IL1RAPL2: variants seen among roughly 807,000 people sequenced by gnomAD.
IL1RAPL2 encodes the protein X-linked interleukin-1 receptor accessory protein-like 2.
In IL1RAPL2, 3 loss-of-function variants were observed where a neutral mutation model predicts 44.1. The observed-to-expected ratio is 0.07, with a 90% CI of 0.03 to 0.18. The LOEUF is 0.18. Among genes scored for constraint, IL1RAPL2 ranks in the 10% least tolerant of loss-of-function variants. The pLI, the probability that IL1RAPL2 is intolerant of heterozygous loss-of-function variation, is 1.00. For missense variants in IL1RAPL2, 391 were observed against 496.4 expected (o/e 0.79, Z 2.02); for synonymous variants, 181 against 178.8 (o/e 1.01, Z -0.10).
intron 6 of IL1RAPL2, among the ~76,000 whole-genome samples, chrX:105,494,323 G>A (rs1385763204): frequency 9.0e-6 from 1 of 111,522 alleles, no homozygotes; most frequent in African/African-American, 3.3e-5. Flanking sequence ...TTTTGACTAT[G>A]TCTAAAATGC....
chrX:105,122,765 A>G (rs1209786532), intron 2 of IL1RAPL2, among the ~76,000 whole-genome samples: 1 of 111,833 alleles, frequency 8.9e-6, no homozygotes, highest in East Asian at 2.8e-4. Context: ...TGAGCATCTA[A>G]TATGTCCCTG....
At chrX:104,864,365 C>T (rs1418900223) in intron 2 of IL1RAPL2, among the ~76,000 whole-genome samples, 1 of 112,122 alleles carries the variant, frequency 8.9e-6, no homozygotes, top group Non-Finnish European at 1.9e-5. Context: ...CTATGTTTCT[C>T]GAACATATCC....
intron 6 of IL1RAPL2, among the ~76,000 whole-genome samples, chrX:105,617,909 C>T (rs922273870): frequency 6.3e-4 from 70 of 111,556 alleles, no homozygotes; most frequent in African/African-American, 2.1e-3. Context: ...CATAGATAAA[C>T]ACCTACTTAG....
intron 4 of IL1RAPL2, among the ~76,000 whole-genome samples, chrX:105,251,253 C>T (rs2034266408): frequency 1.8e-5 from 2 of 109,229 alleles, no homozygotes; most frequent in Non-Finnish European, 3.8e-5. Context: ...TCATTAGAAA[C>T]CTCATAATAC....
chrX:104,667,880 T>C (rs1012404469), intron 2 of IL1RAPL2, among the ~76,000 whole-genome samples: 1 of 111,467 alleles, frequency 9.0e-6, no homozygotes, highest in African/African-American at 3.3e-5. Context: ...GGCATGGATA[T>C]AGTTCATATC....
At chrX:104,908,510 A>G (rs1179548965) in intron 2 of IL1RAPL2, among the ~76,000 whole-genome samples, 1 of 110,365 alleles carries the variant, frequency 9.1e-6, no homozygotes, top group Non-Finnish European at 1.9e-5. Context: ...TGGTGACAAA[A>G]TCTCTCAGCA....
At chrX:105,674,991 T>C (rs2037857802) in intron 6 of IL1RAPL2, among the ~76,000 whole-genome samples, 1 of 110,743 alleles carries the variant, frequency 9.0e-6, no homozygotes, top group South Asian at 3.9e-4. Context: ...GGAGTGCTTG[T>C]GACTTCTGCA....
chrX:105,507,583 A>G (rs1480886759), intron 6 of IL1RAPL2, among the ~76,000 whole-genome samples: 2 of 111,384 alleles, frequency 1.8e-5, no homozygotes, highest in African/African-American at 6.5e-5. Flanking sequence ...TTTTTACTTC[A>G]TTTTGAGAAG....
At chrX:104,944,343 T>A (rs1398217145) in intron 2 of IL1RAPL2, among the ~76,000 whole-genome samples, 1 of 112,159 alleles carries the variant, frequency 8.9e-6, no homozygotes, top group African/African-American at 3.2e-5. Context: ...ATGATAACAT[T>A]TAATTATCAC....
intron 2 of IL1RAPL2, among the ~76,000 whole-genome samples, chrX:105,082,947 T>C (rs1390592739): frequency 9.0e-6 from 1 of 111,161 alleles, no homozygotes; most frequent in Non-Finnish European, 1.9e-5. Context: ...GGACGGAGAA[T>C]GAGTTTGATG....
chrX:104,948,262 G>C (rs1054305892), intron 2 of IL1RAPL2, among the ~76,000 whole-genome samples: 139 of 109,362 alleles, frequency 1.3e-3, no homozygotes, highest in Non-Finnish European at 2.4e-3. Flanking sequence ...TTTGCACATT[G>C]ATTTTATATA....
chrX:105,379,632 T>C (rs1323590092), intron 5 of IL1RAPL2, among the ~76,000 whole-genome samples: 1 of 111,758 alleles, frequency 8.9e-6, no homozygotes, highest in Non-Finnish European at 1.9e-5. Context: ...TGGGTTTCTA[T>C]CCCTGCTCTG....
intron 5 of IL1RAPL2, among the ~76,000 whole-genome samples, chrX:105,431,914 AGT>A: frequency 9.0e-6 from 1 of 110,770 alleles, no homozygotes; most frequent in Non-Finnish European, 1.9e-5. Context: ...TGCAAAAGAA[AGT>A]GGGGTTGAGA....
chrX:104,960,467 T>TG (rs1432430333), intron 2 of IL1RAPL2, among the ~76,000 whole-genome samples: 1 of 111,678 alleles, frequency 9.0e-6, no homozygotes, highest in Non-Finnish European at 1.9e-5. Flanking sequence ...CTGGCAACCT[T>TG]GGGTGTGTAG....
At chrX:105,210,147 C>G (rs782239965) in intron 3 of IL1RAPL2, among the ~76,000 whole-genome samples, 35 of 111,646 alleles carry the variant, frequency 3.1e-4, no homozygotes, top group African/African-American at 1.1e-3. Context: ...GCAGGAAACC[C>G]CTTGGGTTCC....
chrX:105,643,483 A>G (rs1274122471), intron 6 of IL1RAPL2, among the ~76,000 whole-genome samples: 1 of 111,599 alleles, frequency 9.0e-6, no homozygotes, highest in Non-Finnish European at 1.9e-5. Flanking sequence ...GATCCATTTA[A>G]AGGACTAGTG....
chrX:105,380,686 T>C (rs2035423320), intron 5 of IL1RAPL2, among the ~76,000 whole-genome samples: 2 of 112,004 alleles, frequency 1.8e-5, no homozygotes, highest in African/African-American at 6.5e-5. Flanking sequence ...GATTTTAATA[T>C]TGACTTTTTC....
intron 2 of IL1RAPL2, among the ~76,000 whole-genome samples, chrX:104,904,797 T>C (rs1180160681): frequency 9.2e-6 from 1 of 108,800 alleles, no homozygotes; most frequent in South Asian, 4.0e-4. Context: ...GCATGATTTA[T>C]AGTCCTTTGG....
At chrX:105,560,013 T>C (rs1350387350) in intron 6 of IL1RAPL2, among the ~76,000 whole-genome samples, 1 of 111,886 alleles carries the variant, frequency 8.9e-6, no homozygotes, top group Non-Finnish European at 1.9e-5. Flanking sequence ...AGACACCGTC[T>C]TGACCTCTCC....
Sources: gnomAD v4.1 joint callset for allele counts (sites outside exome capture counted in the v4.1 genomes callset) on GRCh38, gnomAD v4.1.1 for gene constraint, MANE v1.5 for transcripts, NCBI Gene and HGNC (gene_info 2026-07-23, HGNC 2026-07-21) for gene names.